SEMA6B: variants seen among roughly 807,000 people sequenced by gnomAD.
The protein encoded by SEMA6B is semaphorin 6B, also known as semaphorin-6B.
In SEMA6B, 47 loss-of-function variants were observed where a neutral mutation model predicts 78.6. That is an observed-to-expected ratio of 0.60 (90% CI 0.47 to 0.76). The LOEUF is 0.76. Among genes scored for constraint, SEMA6B ranks in the 30% least tolerant of loss-of-function variants. The probability of loss-of-function intolerance (pLI) is 0.00; values close to 1 mark genes in which losing one functional copy is unlikely to be tolerated. For missense variants in SEMA6B, 1,213 were observed against 1,269.9 expected (o/e 0.96, Z 0.68); for synonymous variants, 632 against 592.2 (o/e 1.07, Z -0.98).
At chr19:4,554,101 A>G (rs1187587774) in intron 9 of SEMA6B, among the ~76,000 whole-genome samples, 2 of 145,860 alleles carry the variant, frequency 1.4e-5, no homozygotes, top group Admixed American at 6.8e-5. Context: ...GGGATGAAGG[A>G]TGGATAAGTG....
Position 4,554,486 on chromosome 19 carries a change from A to G in SEMA6B, c.683-10T>C. 1 of 1,609,444 alleles carries G rather than the reference A, an allele frequency of 6.2e-7. No homozygotes were observed. Among genetic ancestry groups the G allele is most frequent in the East Asian group, 2.2e-5 (1 of 44,854 alleles). ...TGGACAAAGTAAGGCTCTGCAGGAC[A>G]GGAGGGGTCAGAACTCAGCCCCTGA... On this transcript the variant is annotated splice_polypyrimidine_tract_variant and intron_variant, in intron 8 of 16. Coordinates refer to ENST00000586582, the MANE Select transcript of SEMA6B (RefSeq NM_032108.4).
intron 4 of SEMA6B, 64 bp from the exon 5 acceptor site, chr19:4,557,077 G>C: frequency 6.3e-7 from 1 of 1,593,024 alleles, no homozygotes; most frequent in South Asian, 1.1e-5. Flanking sequence ...ACCCCGCCGT[G>C]CTGGGCCGAA....
chr19:4,546,281 G>C lies in SEMA6B; in HGVS notation c.1680-7C>G, dbSNP rs781101994. 4 of 1,613,270 alleles carry C rather than the reference G, an allele frequency of 2.5e-6. No individual in the cohort carries two copies. Among genetic ancestry groups the C allele is most frequent in the Non-Finnish European group, 3.4e-6 (4 of 1,179,778 alleles). Reference sequence around the variant, plus strand: ...GTCCTGCTCAAAGGCGGCTCTAATGGGGAGAGGAGGCACCGTCAGCAGAGG... The same window carrying C: ...GTCCTGCTCAAAGGCGGCTCTAATGCGGAGAGGAGGCACCGTCAGCAGAGG... On this transcript the variant is annotated splice_polypyrimidine_tract_variant and splice_region_variant and intron_variant, in intron 15 of 16. Coordinates refer to ENST00000586582, the MANE Select transcript of SEMA6B (RefSeq NM_032108.4).
rs200114736 is a variant in SEMA6B, at chr19:4,548,409, G to A, written c.1308C>T (p.Ala436=). The A allele has an allele frequency of 3.4e-5, 55 of 1,613,260 alleles. No homozygotes were observed. Among genetic ancestry groups the A allele is most frequent in the Middle Eastern group, 1.6e-4 (1 of 6,062 alleles). Residue 436 remains alanine (A), a synonymous_variant, in exon 13 of 17, where the codon GCC becomes GCT. Transcript: ENST00000586582. The part of the protein sequence containing the change: ...QLTRVAVDVG[A]GPWGNQTVVF... ...CAACGGTCTGGTTGCCCCAGGGGCCGGCTCCCACGTCCACAGCCACTCGAG... is the reference window on the plus strand; with the variant it reads ...CAACGGTCTGGTTGCCCCAGGGGCCAGCTCCCACGTCCACAGCCACTCGAG...
chr19:4,543,546 C>T lies in SEMA6B; in HGVS notation c.*55G>A. 1.0e-6 allele frequency: 1 copy of T among 996,946 alleles called. No individual in the cohort carries two copies. Among genetic ancestry groups the T allele is most frequent in the Non-Finnish European group, 1.3e-6 (1 of 772,164 alleles). The allele number at this position is 996,946 out of a possible 1,614,324, so 61.8% of individuals were successfully genotyped here. A position where few individuals can be genotyped will look rare whatever the true frequency, so the allele number is the denominator to read the frequency against. ...CCGGGCCCCGGCGTTCTGGCACCGT[C>T]TCTCGCTCCTGGTTCCCGTGGCTGG... is the stretch of plus-strand genomic sequence containing the variant. On this transcript the variant is annotated 3_prime_UTR_variant, in exon 17 of 17. Coordinates refer to ENST00000586582, the MANE Select transcript of SEMA6B (RefSeq NM_032108.4).
Position 4,548,064 on chromosome 19 carries a change from G to GCACT in SEMA6B, c.1560_1563dup (p.Pro522SerfsTer44). 1 of 1,586,808 alleles carries GCACT rather than the reference G, an allele frequency of 6.3e-7. No individual in the cohort carries two copies. The highest frequency in any genetic ancestry group is 1.1e-5 in the South Asian group (1 of 89,952). ...GAGTACTGCTGGCAGCGAGCCACAGGCACTCGGACCACGCAGCGGGGGAAG... is the reference window on the plus strand; with the variant it reads ...GAGTACTGCTGGCAGCGAGCCACAGGCACTCACTCGGACCACGCAGCGGGGGAAG... On this transcript the variant is annotated frameshift_variant, in exon 14 of 17. Coordinates refer to ENST00000586582, the MANE Select transcript of SEMA6B (RefSeq NM_032108.4). LOFTEE classifies it high-confidence loss of function.
rs1977103099 is a variant in SEMA6B, at chr19:4,544,235, T to G, written c.2033A>C (p.Glu678Ala). ...GGGGGAGVPP[E>A]ALLAPLMQNG... ...CTGCATCAGGGGCGCCAGCAGGGCC[T>G]CCGGGGGAACCCCGGCGCCACCGCC... is the stretch of plus-strand genomic sequence containing the variant. Residue 678 changes from glutamate (E) to alanine (A), a missense_variant, in exon 17 of 17, where the codon GAG becomes GCG. Physicochemically the swap from Glu to Ala is moderately radical, Grantham distance 107. Coordinates refer to ENST00000586582, the MANE Select transcript of SEMA6B (RefSeq NM_032108.4). The surrounding 1 kb of genome is among the most constrained non-coding windows in gnomAD (Gnocchi z 5.1). 1 of 1,276,660 alleles carries G rather than the reference T, an allele frequency of 7.8e-7. No individual in the cohort carries two copies. Among genetic ancestry groups the G allele is most frequent in the Non-Finnish European group, 9.9e-7 (1 of 1,014,850 alleles). The allele number at this position is 1,276,660 out of a possible 1,614,324, so 79.1% of individuals were successfully genotyped here.
In SEMA6B at chr19:4,548,244, C is replaced by T; in HGVS notation, c.1454+19G>A. 6.9e-6 allele frequency: 11 copies of T among 1,597,270 alleles called. No individual in the cohort carries two copies. The highest frequency in any genetic ancestry group is 9.4e-6 in the Non-Finnish European group (11 of 1,166,248). ...TCCCCTCCTGCTGGCGACCCCTTCC[C>T]ACCTTTGCCCAGACTTACCTGTCCG... On this transcript the variant is annotated intron_variant, in intron 13 of 16. Coordinates refer to ENST00000586582, the MANE Select transcript of SEMA6B (RefSeq NM_032108.4).
chr19:4,558,392 GC>G lies in SEMA6B; in HGVS notation c.65del (p.Gly22AlafsTer21). 10 of 1,274,890 alleles carry G rather than the reference GC, an allele frequency of 7.8e-6. No individual in the cohort carries two copies. The highest frequency in any genetic ancestry group is 9.0e-6 in the Non-Finnish European group (9 of 1,002,732). 79.0% of individuals were successfully genotyped at this position (1,274,890 alleles called of 1,614,324 possible). A position where few individuals can be genotyped will look rare whatever the true frequency, so the allele number is the denominator to read the frequency against. On this transcript the variant is annotated frameshift_variant, in exon 2 of 17. Coordinates refer to ENST00000586582, the MANE Select transcript of SEMA6B (RefSeq NM_032108.4). LOFTEE classifies it high-confidence loss of function. The surrounding 1 kb of genome is among the most constrained non-coding windows in gnomAD (Gnocchi z 5.1). ...ALLLLLLLLG[G>X]AHGLFPEEPP... ...GCTCCTCAGGAAAGAGGCCGTGGGC[GC>G]CCCCCAGTAGCAGCAGCAGAAGCAG... is the stretch of plus-strand genomic sequence containing the variant.
Position 4,552,418 on chromosome 19 carries a change from T to A in SEMA6B, c.989+4A>T. On this transcript the variant is annotated splice_donor_region_variant and intron_variant, in intron 10 of 16. Coordinates refer to ENST00000586582, the MANE Select transcript of SEMA6B (RefSeq NM_032108.4). This position sits in a 1 kb window ranked among gnomAD's most constrained non-coding sequence, Gnocchi z 7.4. Reference sequence around the variant, plus strand: ...CCAGTTTGCTCCCATTGGTGGGCGCTGACCTGTTGCTGGGCGTGGAAAAAA... The same window carrying A: ...CCAGTTTGCTCCCATTGGTGGGCGCAGACCTGTTGCTGGGCGTGGAAAAAA... 1 of 1,571,066 alleles carries A rather than the reference T, an allele frequency of 6.4e-7. No homozygotes were observed. Among genetic ancestry groups the A allele is most frequent in the Non-Finnish European group, 8.6e-7 (1 of 1,158,388 alleles).
intron 8 of SEMA6B, among the ~76,000 whole-genome samples, chr19:4,554,760 G>A (rs1440180985): frequency 6.6e-6 from 1 of 152,166 alleles, no homozygotes; most frequent in Non-Finnish European, 1.5e-5. Flanking sequence ...TCCATTTTGG[G>A]CTTCTAAGCC....
chr19:4,559,192 CA>C (rs11295195), intron 1 of SEMA6B, among the ~76,000 whole-genome samples: 62,951 of 107,504 alleles, frequency 0.59, 15,744 homozygotes, highest in African/African-American at 0.69. Flanking sequence ...AGACTCCATC[CA>C]AAAAAAAAAA....
chr19:4,559,200 A>G (rs993249689), intron 1 of SEMA6B, among the ~76,000 whole-genome samples: 14 of 151,884 alleles, frequency 9.2e-5, no homozygotes, highest in African/African-American at 1.7e-4. Flanking sequence ...TCCAAAAAAA[A>G]AAAAAAAAAG....
In SEMA6B at chr19:4,554,919, T is replaced by A. The variant is rs1453435924; in HGVS notation, c.682+57A>T. The A allele has an allele frequency of 3.8e-6, 6 of 1,580,654 alleles. No homozygotes were observed. The East Asian group carries it at 1.4e-4, about 36-fold the overall frequency. On this transcript the variant is annotated intron_variant, in intron 8 of 16. Transcript: ENST00000586582. ...CTCTTATTCTGGTGGGGAGATTTGA[T>A]GAATGTCAGGTTCTGGGCCCTGCCA...
chr19:4,544,075 GC>G lies in SEMA6B; in HGVS notation c.2192del (p.Gly731AlafsTer99). The G allele has an allele frequency of 8.1e-7, 1 of 1,240,594 alleles. No homozygotes were observed. Among genetic ancestry groups the G allele is most frequent in the Non-Finnish European group, 1.0e-6 (1 of 992,328 alleles). 76.8% of individuals were successfully genotyped at this position (1,240,594 alleles called of 1,614,324 possible). A position where few individuals can be genotyped will look rare whatever the true frequency, so the allele number is the denominator to read the frequency against. On this transcript the variant is annotated frameshift_variant, in exon 17 of 17. Coordinates refer to ENST00000586582, the MANE Select transcript of SEMA6B (RefSeq NM_032108.4). LOFTEE classifies it high-confidence loss of function. The surrounding 1 kb of genome is among the most constrained non-coding windows in gnomAD (Gnocchi z 5.1). ...PTPHPHPHAL[G>X]PRAWDHGHPL... ...GGTGGCCGTGGTCCCAGGCGCGGGGGCCCAGGGCGTGGGGGTGCGGGTGCGG... is the reference window on the plus strand; with the variant it reads ...GGTGGCCGTGGTCCCAGGCGCGGGGGCCAGGGCGTGGGGGTGCGGGTGCGG...
At position 4,558,306 on chromosome 19, in the gene SEMA6B, C is replaced by T; in HGVS notation, c.121+31G>A. ...GAACCCAGATACTCCCACGGGACTC[C>T]ACCCCCGCCCAAAGACACCCCCAGA... is the stretch of plus-strand genomic sequence containing the variant. On this transcript the variant is annotated intron_variant, in intron 2 of 16. Transcript: ENST00000586582. The surrounding 1 kb of genome is among the most constrained non-coding windows in gnomAD (Gnocchi z 5.1). 1 of 1,314,046 alleles carries T rather than the reference C, an allele frequency of 7.6e-7. No individual in the cohort carries two copies. Among genetic ancestry groups the T allele is most frequent in the Non-Finnish European group, 9.8e-7 (1 of 1,021,972 alleles). The allele number at this position is 1,314,046 out of a possible 1,614,324, so 81.4% of individuals were successfully genotyped here. A position where few individuals can be genotyped will look rare whatever the true frequency, so the allele number is the denominator to read the frequency against.
intron 16 of SEMA6B, 129 bp downstream of exon 16, chr19:4,546,087 A>G (rs1371627427): frequency 5.9e-6 from 6 of 1,016,988 alleles, no homozygotes; most frequent in Non-Finnish European, 8.4e-6. Flanking sequence ...ATGCCTTTCT[A>G]AAGTTCTCTG....
rs1568256445 is a variant in SEMA6B at position 4,552,616 on chromosome 19, T to C, written c.795A>G (p.Arg265=). 3 of 1,610,460 alleles carry C rather than the reference T, an allele frequency of 1.9e-6. No homozygotes were observed. Among genetic ancestry groups the C allele is most frequent in the Non-Finnish European group, 2.5e-6 (3 of 1,178,372 alleles). ...LEKVVVSRVA[R]VCKNDVGGSP... is the part of the protein sequence containing the mutation. ...AGCCTCCCACGTCGTTCTTGCACAC[T>C]CGGGCCACGCGGGACACCACCACCT... Residue 265 remains arginine (R), a synonymous_variant, in exon 10 of 17, where the codon CGA becomes CGG. Coordinates refer to ENST00000586582, the MANE Select transcript of SEMA6B (RefSeq NM_032108.4). The surrounding 1 kb of genome is among the most constrained non-coding windows in gnomAD (Gnocchi z 7.4).
rs1977082067 is a variant in SEMA6B at position 4,543,703 on chromosome 19, C to G, written c.2565G>C (p.Arg855=). Residue 855 remains arginine, a synonymous_variant, in exon 17 of 17, where the codon CGG becomes CGC. Coordinates refer to ENST00000586582, the MANE Select transcript of SEMA6B (RefSeq NM_032108.4). ...GGCAGCCGCGGTGGCGGTCCCCAGG[C>G]CGGGCCTCGCCGCTGTTGAACGTGT... is the stretch of plus-strand genomic sequence containing the variant. The part of the protein sequence containing the change: ...RTHTFNSGEA[R]PGDRHRGCHA... 9 of 1,229,742 alleles carry G rather than the reference C, an allele frequency of 7.3e-6. No homozygotes were observed. Among genetic ancestry groups the G allele is most frequent in the Non-Finnish European group, 9.1e-6 (9 of 986,656 alleles). 76.2% of individuals were successfully genotyped at this position (1,229,742 alleles called of 1,614,324 possible). A position where few individuals can be genotyped will look rare whatever the true frequency, so the allele number is the denominator to read the frequency against.
Sources: gnomAD v4.1 joint callset for allele counts (sites outside exome capture counted in the v4.1 genomes callset) on GRCh38, gnomAD v4.1.1 for gene constraint, Gnocchi (gnomAD v3.1) non-coding constraint, MANE v1.5 for transcripts, NCBI Gene and HGNC (gene_info 2026-07-23, HGNC 2026-07-21) for gene names.